Variants in NCALD observed in about 807,000 individuals in gnomAD.
NCALD encodes the protein neurocalcin delta, also known as neurocalcin-delta.
NCALD carries 10 observed loss-of-function variants against 18.6 expected under a neutral mutation model. That is an observed-to-expected ratio of 0.54 (90% CI 0.33 to 0.91). The LOEUF (loss-of-function observed/expected upper bound fraction) is 0.91. Ranked by LOEUF, NCALD falls within the 40% of genes least tolerant of loss-of-function variation. The pLI, the probability that NCALD is intolerant of heterozygous loss-of-function variation, is 0.03. For missense variants in NCALD, 184 were observed against 247.6 expected (o/e 0.74, Z 1.72); for synonymous variants, 88 against 87.4 (o/e 1.01, Z -0.04).
intron 1 of NCALD, among the ~76,000 whole-genome samples, chr8:102,074,652 A>C (rs1563594851): frequency 6.6e-6 from 1 of 152,164 alleles, no homozygotes; most frequent in Non-Finnish European, 1.5e-5. Flanking sequence ...CTTGATCAGC[A>C]GCTCTCACGT....
intron 1 of NCALD, among the ~76,000 whole-genome samples, chr8:102,119,952 G>GCC (rs1280403839): frequency 6.6e-6 from 1 of 152,182 alleles, no homozygotes; most frequent in Non-Finnish European, 1.5e-5. Context: ...TAGCCAGTCA[G>GCC]AACTTAAAAT....
chr8:101,971,026 A>G (rs748234989), intron 2 of NCALD, among the ~76,000 whole-genome samples: 4 of 152,300 alleles, frequency 2.6e-5, no homozygotes, highest in South Asian at 2.1e-4. Flanking sequence ...CTCCTTGCAC[A>G]TGCCCGTCTG....
At chr8:101,765,591 T>C (rs755029354) in intron 1 of NCALD, among the ~76,000 whole-genome samples, 7 of 152,208 alleles carry the variant, frequency 4.6e-5, no homozygotes, top group Non-Finnish European at 8.8e-5. Flanking sequence ...AAGATTTGAT[T>C]ATCTAGCTTA....
intron 2 of NCALD, among the ~76,000 whole-genome samples, chr8:101,992,705 C>T (rs1821093033): frequency 6.6e-6 from 1 of 152,136 alleles, no homozygotes; most frequent in Non-Finnish European, 1.5e-5. Context: ...CATTGCATTG[C>T]ACAACTCCAG....
At chr8:101,939,821 C>T (rs1818892123) in intron 2 of NCALD, among the ~76,000 whole-genome samples, 1 of 152,150 alleles carries the variant, frequency 6.6e-6, no homozygotes, top group Non-Finnish European at 1.5e-5. Flanking sequence ...TCTTTTGATC[C>T]TCCCAACAAT....
At chr8:101,918,607 G>C (rs1298132349) in intron 2 of NCALD, among the ~76,000 whole-genome samples, 3 of 152,008 alleles carry the variant, frequency 2.0e-5, no homozygotes, top group African/African-American at 4.8e-5. Flanking sequence ...CTGTCCAAAG[G>C]CTCCTGCAAC....
chr8:102,007,781 T>G (rs1821762874), intron 2 of NCALD, among the ~76,000 whole-genome samples: 1 of 152,174 alleles, frequency 6.6e-6, no homozygotes, highest in Admixed American at 6.5e-5. Context: ...GCAGTGCATG[T>G]CCACACCCTC....
intron 2 of NCALD, among the ~76,000 whole-genome samples, chr8:101,978,389 A>C (rs1820500566): frequency 6.6e-6 from 1 of 152,208 alleles, no homozygotes; most frequent in Non-Finnish European, 1.5e-5. Context: ...TAAGGGTCAG[A>C]TCCTGTCCTA....
chr8:101,772,174 C>T (rs1811610799), intron 1 of NCALD, among the ~76,000 whole-genome samples: 2 of 152,188 alleles, frequency 1.3e-5, no homozygotes, highest in Non-Finnish European at 2.9e-5. Flanking sequence ...CATGGTCAAA[C>T]TAGTTTGGGA....
chr8:101,778,482 T>G (rs60633187), intron 1 of NCALD, among the ~76,000 whole-genome samples: 6,071 of 151,372 alleles, frequency 0.04, 475 homozygotes, highest in East Asian at 0.36. Flanking sequence ...GAAGGTAACT[T>G]TTTTTTTTAA....
chr8:101,872,615 T>C, intron 4 of NCALD: 1 of 491,062 alleles, frequency 2.0e-6, no homozygotes, highest in African/African-American at 1.9e-5. Context: ...ATGTTTACAA[T>C]TTAAATTTGG....
intron 1 of NCALD, among the ~76,000 whole-genome samples, chr8:102,068,712 T>C (rs993393182): frequency 2.6e-5 from 4 of 151,238 alleles, no homozygotes; most frequent in African/African-American, 7.2e-5. Context: ...TCTTCTTTTT[T>C]TTCCTCTCTT....
chr8:102,123,814 GC>G, intron 1 of NCALD: 1 of 150,744 alleles, frequency 6.6e-6, no homozygotes, highest in Non-Finnish European at 1.5e-5. Flanking sequence ...GGGTGCCCCG[GC>G]CCCCGGCCCC....
intron 1 of NCALD, among the ~76,000 whole-genome samples, chr8:102,044,173 G>T (rs7018404): frequency 0.16 from 23,998 of 151,780 alleles, 2,886 homozygotes; most frequent in African/African-American, 0.32. Context: ...TCTTTTTTGA[G>T]AATTTAAGTC....
chr8:101,930,461 G>T (rs957148906), intron 2 of NCALD, among the ~76,000 whole-genome samples: 2 of 151,958 alleles, frequency 1.3e-5, no homozygotes, highest in African/African-American at 4.8e-5. Flanking sequence ...TAAAAATGTG[G>T]CTATGTGAGC....
chr8:102,107,317 C>G (rs1034094920), intron 1 of NCALD, among the ~76,000 whole-genome samples: 2 of 146,014 alleles, frequency 1.4e-5, no homozygotes, highest in Admixed American at 7.0e-5. Flanking sequence ...TAAAAAGGAA[C>G]AAATTTGGAT....
At chr8:101,810,360 C>T (rs16868464) in intron 4 of NCALD, among the ~76,000 whole-genome samples, 2 of 152,012 alleles carry the variant, frequency 1.3e-5, no homozygotes, top group African/African-American at 2.4e-5. Context: ...CAGTGTATCT[C>T]GTACAGTTAG....
chr8:101,867,682 C>T (rs1815829974), intron 4 of NCALD, among the ~76,000 whole-genome samples: 1 of 152,098 alleles, frequency 6.6e-6, no homozygotes, highest in Admixed American at 6.5e-5. Flanking sequence ...AAGGCATTGC[C>T]ATATCGTGGA....
At chr8:101,783,194 A>C (rs1008163847) in intron 1 of NCALD, among the ~76,000 whole-genome samples, 8 of 152,188 alleles carry the variant, frequency 5.3e-5, no homozygotes, top group Non-Finnish European at 1.2e-4. Context: ...GAATAAATGA[A>C]TGAGAGTCTT....
Sources: gnomAD v4.1 joint callset for allele counts (sites outside exome capture counted in the v4.1 genomes callset) on GRCh38, gnomAD v4.1.1 for gene constraint, MANE v1.5 for transcripts, NCBI Gene and HGNC (gene_info 2026-07-23, HGNC 2026-07-21) for gene names.